FMN1: variants seen among roughly 807,000 people sequenced by gnomAD.
FMN1 encodes formin 1.
FMN1 carries 110 observed loss-of-function variants against 132.4 expected under a neutral mutation model. That is an observed-to-expected ratio of 0.83 (90% CI 0.71 to 0.97). The LOEUF (loss-of-function observed/expected upper bound fraction) is 0.97. Ranked by LOEUF, FMN1 falls within the 50% of genes least tolerant of loss-of-function variation. The pLI, the probability that FMN1 is intolerant of heterozygous loss-of-function variation, is 0.00. For missense variants in FMN1, 1,792 were observed against 1,705.3 expected, an observed-to-expected ratio of 1.05 and a Z score of -0.90; for synonymous variants, 722 against 651.7, an observed-to-expected ratio of 1.11 and a Z score of -1.64.
intron 12 of FMN1, among the ~76,000 whole-genome samples, chr15:32,904,561 T>A (rs1048463433): frequency 6.6e-6 from 1 of 152,064 alleles, no homozygotes; most frequent in Admixed American, 6.5e-5. Flanking sequence ...GCAGTGTGAA[T>A]GGAGAGGGGC....
At chr15:33,183,453 T>C (rs1302286998) in intron 2 of FMN1, among the ~76,000 whole-genome samples, 3 of 152,230 alleles carry the variant, frequency 2.0e-5, no homozygotes, top group Non-Finnish European at 4.4e-5. Flanking sequence ...TTAATATATG[T>C]TGATTGCTCT....
At chr15:32,881,673 C>T (rs147903526) in intron 16 of FMN1, among the ~76,000 whole-genome samples, 708 of 152,220 alleles carry the variant, frequency 4.7e-3, no homozygotes, top group Non-Finnish European at 7.4e-3. Flanking sequence ...CTTTTTTCCT[C>T]TTACAAGAAG....
intron 9 of FMN1, among the ~76,000 whole-genome samples, chr15:32,958,325 C>A (rs962541949): frequency 3.9e-5 from 6 of 152,102 alleles, no homozygotes; most frequent in Admixed American, 1.3e-4. Flanking sequence ...TGGCAAGTTA[C>A]CATTTAAATA....
intron 9 of FMN1, among the ~76,000 whole-genome samples, chr15:32,944,809 G>A (rs2140460004): frequency 6.6e-6 from 1 of 152,158 alleles, no homozygotes; most frequent in African/African-American, 2.4e-5. Flanking sequence ...GTAGGGCTGT[G>A]GGCAGATTTC....
chr15:33,012,833 G>A, intron 6 of FMN1: 1 of 632,366 alleles, frequency 1.6e-6, no homozygotes. Flanking sequence ...TATGGTAGCA[G>A]TGGGGGTGGC....
chr15:33,066,331 G>A (rs1445582846), intron 5 of FMN1, among the ~76,000 whole-genome samples: 5 of 152,102 alleles, frequency 3.3e-5, no homozygotes, highest in African/African-American at 9.7e-5. Flanking sequence ...AAATCAGGAC[G>A]CATGAAAAGC....
intron 4 of FMN1, among the ~76,000 whole-genome samples, chr15:33,116,626 C>A (rs1483845657): frequency 1.3e-5 from 2 of 151,888 alleles, no homozygotes; most frequent in Admixed American, 6.6e-5. Flanking sequence ...TATTTCTGCT[C>A]ATTATTTGGC....
intron 17 of FMN1, chr15:32,837,280 CTT>C (rs2058649737): frequency 4.7e-6 from 1 of 211,630 alleles, no homozygotes; most frequent in Non-Finnish European, 1.0e-5. Flanking sequence ...AACTTCTACT[CTT>C]TGTTCAAAGG....
Position 33,153,686 on chromosome 15 carries a change from GAC to G in FMN1, c.1227_1228del (p.Ser410GlyfsTer18). Reference sequence around the variant, plus strand: ...GTTCACGGCCCCCTCGGCACTGGCCGACACACTAGAAATGGAGGCTGTTTCCC... The same window carrying G: ...GTTCACGGCCCCCTCGGCACTGGCCGACACTAGAAATGGAGGCTGTTTCCC... On this transcript the variant is annotated frameshift_variant, in exon 4 of 21. Transcript: ENST00000616417. LOFTEE classifies it high-confidence loss of function. 2 of 1,536,386 alleles carry G rather than the reference GAC, an allele frequency of 1.3e-6. No homozygotes were observed. Among genetic ancestry groups the G allele is most frequent in the East Asian group, 4.9e-5 (2 of 40,896 alleles).
intron 4 of FMN1, among the ~76,000 whole-genome samples, chr15:33,090,233 G>GT (rs2038856477): frequency 6.6e-6 from 1 of 152,152 alleles, no homozygotes; most frequent in African/African-American, 2.4e-5. Context: ...CATAATCCCT[G>GT]TAAGAGTCTA....
intron 16 of FMN1, among the ~76,000 whole-genome samples, chr15:32,860,218 G>A (rs2059235922): frequency 6.7e-6 from 1 of 149,190 alleles, no homozygotes; most frequent in South Asian, 2.2e-4. Flanking sequence ...AAGGAGAGAG[G>A]AAGAGGTAGG....
At chr15:33,067,381 G>C (rs756541387) in intron 5 of FMN1, 7 of 1,613,966 alleles carry the variant, frequency 4.3e-6, no homozygotes, top group Non-Finnish European at 5.9e-6. Flanking sequence ...CACCACTAGG[G>C]GACTTTGGGC....
intron 6 of FMN1, among the ~76,000 whole-genome samples, chr15:33,025,146 C>G (rs1164910929): frequency 1.3e-5 from 2 of 152,042 alleles, no homozygotes; most frequent in Non-Finnish European, 2.9e-5. Context: ...TGTTTTATTT[C>G]CTAAGTTAAG....
At chr15:33,038,870 G>C (rs2036300764) in intron 6 of FMN1, among the ~76,000 whole-genome samples, 1 of 152,152 alleles carries the variant, frequency 6.6e-6, no homozygotes, top group Non-Finnish European at 1.5e-5. Context: ...AAATTATCCA[G>C]GGTTCCACGA....
intron 15 of FMN1, among the ~76,000 whole-genome samples, chr15:32,892,801 T>C (rs2060063846): frequency 6.6e-6 from 1 of 152,180 alleles, no homozygotes; most frequent in African/African-American, 2.4e-5. Flanking sequence ...GATTGTATTT[T>C]TCCAGCAATT....
chr15:32,974,285 G>A (rs1296075357), intron 7 of FMN1, among the ~76,000 whole-genome samples: 3 of 152,156 alleles, frequency 2.0e-5, no homozygotes, highest in Non-Finnish European at 4.4e-5. Flanking sequence ...AAAAGAGACA[G>A]GTGCTGAGGT....
chr15:32,873,797 G>A (rs1030391626), intron 16 of FMN1, among the ~76,000 whole-genome samples: 1 of 152,116 alleles, frequency 6.6e-6, no homozygotes. Flanking sequence ...AAGACTAGGT[G>A]ATAAAACTTA....
chr15:32,984,530 G>C (rs1314936270), intron 7 of FMN1, among the ~76,000 whole-genome samples: 1 of 152,094 alleles, frequency 6.6e-6, no homozygotes, highest in Admixed American at 6.6e-5. Flanking sequence ...AAGAAACTCA[G>C]AAGAAACTTC....
intron 16 of FMN1, among the ~76,000 whole-genome samples, chr15:32,859,656 T>C (rs906117539): frequency 1.3e-5 from 2 of 152,246 alleles, no homozygotes; most frequent in African/African-American, 4.8e-5. Context: ...GTCCATACAT[T>C]AATCCCTGAG....
Sources: gnomAD v4.1 joint callset for allele counts (sites outside exome capture counted in the v4.1 genomes callset) on GRCh38, gnomAD v4.1.1 for gene constraint, MANE v1.5 for transcripts, NCBI Gene and HGNC (gene_info 2026-07-23, HGNC 2026-07-21) for gene names.